Variants in ITPR2 observed in about 807,000 individuals in gnomAD.
The protein encoded by ITPR2 is inositol 1,4,5-trisphosphate receptor type 2, also known as inositol 1,4,5-trisphosphate-gated calcium channel ITPR2.
ITPR2 carries 207 observed loss-of-function variants against 317.1 expected under a neutral mutation model. The ratio of observed to expected loss-of-function variants is 0.65; its 90% CI spans 0.58 to 0.73. ITPR2 has a LOEUF of 0.73. Ranked by LOEUF, ITPR2 falls within the 30% of genes least tolerant of loss-of-function variation. The probability of loss-of-function intolerance (pLI) is 0.00; values close to 1 mark genes in which losing one functional copy is unlikely to be tolerated. For synonymous variants in ITPR2, 1,156 were observed against 1,149.1 expected (o/e 1.01, Z -0.12); for missense variants, 2,613 against 3,284.0 (o/e 0.80, Z 4.99).
At chr12:26,652,027 A>T (rs1947267804) in intron 21 of ITPR2, among the ~76,000 whole-genome samples, 1 of 152,100 alleles carries the variant, frequency 6.6e-6, no homozygotes, top group Admixed American at 6.5e-5. Flanking sequence ...CTTCCTTTTA[A>T]GTTGGTGCTC....
intron 40 of ITPR2, chr12:26,486,813 T>C: frequency 1.6e-6 from 1 of 640,310 alleles, no homozygotes; most frequent in Non-Finnish European, 2.9e-6. Context: ...CAGTTACTAT[T>C]TACCATGCAT....
intron 2 of ITPR2, among the ~76,000 whole-genome samples, chr12:26,766,021 G>A (rs951232122): frequency 1.3e-5 from 2 of 152,084 alleles, no homozygotes; most frequent in South Asian, 2.1e-4. Context: ...GGGATATATC[G>A]TATTGTGTTT....
intron 37 of ITPR2, among the ~76,000 whole-genome samples, chr12:26,549,346 C>T (rs1944467065): frequency 6.6e-6 from 1 of 152,122 alleles, no homozygotes; most frequent in Non-Finnish European, 1.5e-5. Flanking sequence ...AAGCAATGCT[C>T]TTTCTATTAA....
chr12:26,550,486 C>A, intron 36 of ITPR2, 131 bp from the exon 37 acceptor site: 1 of 582,356 alleles, frequency 1.7e-6, no homozygotes, highest in South Asian at 2.0e-5. Context: ...TACATGTTTT[C>A]AAAAGTTTTA....
chr12:26,596,305 G>C (rs1225856196), intron 31 of ITPR2, among the ~76,000 whole-genome samples: 1 of 152,186 alleles, frequency 6.6e-6, no homozygotes, highest in Non-Finnish European at 1.5e-5. Flanking sequence ...GAATTGAAGA[G>C]AGCTGTCTAG....
rs1942883674 is a variant in ITPR2, at chr12:26,494,312, C to T, written c.5211G>A (p.Lys1737=). The T allele has an allele frequency of 6.2e-7, 1 of 1,610,132 alleles. No individual in the cohort carries two copies. The highest frequency in any genetic ancestry group is 8.5e-7 in the Non-Finnish European group (1 of 1,178,708). The change falls in exon 39 of 57, where the codon AAG becomes AAA. Residue 1737 remains lysine (K), a synonymous_variant. Transcript: ENST00000381340. Reference sequence around the variant, plus strand: ...GAATGTCTGACATTGATATCCCCATCTTATCTGAATCTTGTCCAGAAAAGC... The same window carrying T: ...GAATGTCTGACATTGATATCCCCATTTTATCTGAATCTTGTCCAGAAAAGC... The part of the protein sequence containing the change: ...GGSFSGQDSD[K]MGISMSDIQC...
rs7966495 is a variant in ITPR2, at chr12:26,757,202, T to C, written c.164-31437A>G. Among the ~76,000 whole-genome samples, 1,230 of 151,486 alleles carry C rather than the reference T, an allele frequency of 8.1e-3. 14 individuals are homozygous for C. Among genetic ancestry groups the C allele is most frequent in the African/African-American group, 0.028 (1,156 of 41,264 alleles). ...TGCTCTGTCTATGGGGTAGCCATTCTTCTATTCCTTTACTTTCTTTTTTTT... is the reference window on the plus strand; with the variant it reads ...TGCTCTGTCTATGGGGTAGCCATTCCTCTATTCCTTTACTTTCTTTTTTTT... On this transcript the variant is annotated intron_variant, in intron 2 of 56. Transcript: ENST00000381340.
intron 26 of ITPR2, among the ~76,000 whole-genome samples, chr12:26,609,525 G>A (rs777913527): frequency 4.6e-5 from 7 of 152,074 alleles, no homozygotes; most frequent in Non-Finnish European, 7.4e-5. Context: ...GATCGCTGGA[G>A]CCTAGGAAGT....
intron 2 of ITPR2, among the ~76,000 whole-genome samples, chr12:26,739,092 T>C: frequency 6.6e-6 from 1 of 152,116 alleles, no homozygotes; most frequent in Non-Finnish European, 1.5e-5. Flanking sequence ...AAATGCAAAC[T>C]ATGACCATAA....
Position 26,736,766 on chromosome 12 carries a change from A to G in ITPR2, c.164-11001T>C, listed in dbSNP as rs925328714. On this transcript the variant is annotated intron_variant, in intron 2 of 56. Transcript: ENST00000381340. ...TGATGCCGCCATTTTAGGCTGATTC[A>G]TATTAGACTGATTCCTCAAACAGAG... Among the ~76,000 whole-genome samples the G allele has an allele frequency of 5.3e-5, 8 of 152,236 alleles. No individual in the cohort carries two copies. The East Asian group carries it at 9.6e-4, about 18-fold the overall frequency.
chr12:26,606,393 G>A lies in ITPR2; in HGVS notation c.3463-3687C>T, dbSNP rs149858537. The stretch of plus-strand genomic sequence containing the variant: ...AACAGCTTAGTGCAGTGATCTTAGC[G>A]GTAGCTGTATTTTTAATTGCATAGT... On this transcript the variant is annotated intron_variant, in intron 26 of 56. Transcript: ENST00000381340. Among the ~76,000 whole-genome samples the A allele has an allele frequency of 3.8e-3, 571 of 152,232 alleles. 1 individual carries two copies. Among genetic ancestry groups the A allele is most frequent in the African/African-American group, 0.013 (548 of 41,532 alleles).
chr12:26,504,852 G>T (rs1282780015), intron 37 of ITPR2, among the ~76,000 whole-genome samples: 2 of 152,052 alleles, frequency 1.3e-5, no homozygotes, highest in Non-Finnish European at 2.9e-5. Flanking sequence ...ATAAATTATA[G>T]AATATTCCCA....
intron 5 of ITPR2, chr12:26,721,237 ACTT>A: frequency 2.0e-6 from 1 of 489,990 alleles, no homozygotes; most frequent in East Asian, 3.1e-5. Flanking sequence ...CCAACACAAG[ACTT>A]AAAGTGCATC....
intron 23 of ITPR2, 88 bp from the exon 24 acceptor site, chr12:26,624,444 ATT>A (rs1478307843): frequency 1.3e-5 from 12 of 952,978 alleles, no homozygotes; most frequent in Non-Finnish European, 1.6e-5. Flanking sequence ...ATGTGAAAAT[ATT>A]TTTGTCTTCA....
chr12:26,444,163 T>A (rs1941554259), intron 45 of ITPR2, among the ~76,000 whole-genome samples: 2 of 152,270 alleles, frequency 1.3e-5, no homozygotes. Context: ...TGGGTATAGA[T>A]CTTGATTTTA....
chr12:26,340,375 G>T, intron 55 of ITPR2, 47 bp from the exon 56 acceptor site: 2 of 1,525,416 alleles, frequency 1.3e-6, no homozygotes, highest in South Asian at 1.3e-5. Context: ...GTATGGAAGG[G>T]GAGAATGTCT....
rs552307759 is a variant in ITPR2 at position 26,599,875 on chromosome 12, A to T, written c.3801+112T>A. 1,073 of 789,436 alleles carry T rather than the reference A, an allele frequency of 1.4e-3. 6 individuals are homozygous for T. Among genetic ancestry groups the T allele is most frequent in the Middle Eastern group, 5.4e-3 (14 of 2,574 alleles). 48.9% of individuals were successfully genotyped at this position (789,436 alleles called of 1,614,324 possible). ...TCACTTCTGGAGAGAGAATTTCCAC[A>T]AGGAAAAAAAAATGAAGCAAGGAAG... On this transcript the variant is annotated intron_variant, in intron 29 of 56. Transcript: ENST00000381340.
intron 43 of ITPR2, among the ~76,000 whole-genome samples, chr12:26,478,393 A>C (rs1194042101): frequency 1.3e-5 from 2 of 152,096 alleles, no homozygotes; most frequent in Non-Finnish European, 2.9e-5. Context: ...TAAAAGAGTA[A>C]GGTTCTAGGA....
intron 1 of ITPR2, among the ~76,000 whole-genome samples, chr12:26,822,278 T>C (rs1279742815): frequency 6.6e-6 from 1 of 152,188 alleles, no homozygotes; most frequent in African/African-American, 2.4e-5. Context: ...CATTAACACA[T>C]AGTTGAATTC....
Sources: gnomAD v4.1 joint callset for allele counts (sites outside exome capture counted in the v4.1 genomes callset) on GRCh38, gnomAD v4.1.1 for gene constraint, MANE v1.5 for transcripts, NCBI Gene and HGNC (gene_info 2026-07-23, HGNC 2026-07-21) for gene names.